MYH16: variants seen among roughly 807,000 people sequenced by gnomAD.
MYH16 encodes the protein putative uncharacterized protein MYH16.
intron 39 of MYH16, among the ~76,000 whole-genome samples, chr7:99,304,254 G>C (rs1449313738): frequency 1.3e-5 from 2 of 152,194 alleles, no homozygotes; most frequent in Non-Finnish European, 2.9e-5. Flanking sequence ...ACACAGTCCT[G>C]GGTCTTCCAA....
intron 19 of MYH16, among the ~76,000 whole-genome samples, 59 bp downstream of exon 1, chr7:99,273,136 C>G (rs1792068417): frequency 6.6e-6 from 1 of 152,222 alleles, no homozygotes; most frequent in South Asian, 2.1e-4. Context: ...TTCACCTCAG[C>G]TCCCTTATCG....
At chr7:99,298,644 C>A (rs1792539406) in intron 36 of MYH16, among the ~76,000 whole-genome samples, 1 of 152,136 alleles carries the variant, frequency 6.6e-6, no homozygotes, top group African/African-American at 2.4e-5. Flanking sequence ...TTCTTTGCCC[C>A]TTTCAAAAAT....
intron 38 of MYH16, among the ~76,000 whole-genome samples, chr7:99,302,639 G>C (rs1275569817): frequency 6.6e-6 from 1 of 152,060 alleles, no homozygotes; most frequent in Admixed American, 6.6e-5. Context: ...CCAGCACTAT[G>C]GGAGGCAGAG....
chr7:99,283,070 G>A (rs1169594069), intron 23 of MYH16, among the ~76,000 whole-genome samples: 2 of 152,148 alleles, frequency 1.3e-5, no homozygotes, highest in Admixed American at 6.6e-5. Flanking sequence ...CAATCACTGT[G>A]ACAACCAGAA....
chr7:99,306,425 G>A (rs1393049382), intron 41 of MYH16, among the ~76,000 whole-genome samples, 184 bp from the exon 23 acceptor site: 1 of 152,112 alleles, frequency 6.6e-6, no homozygotes, highest in Admixed American at 6.6e-5. Context: ...TACTTGGGAG[G>A]CTAAGGCAGG....
chr7:99,279,305 G>C (rs1274991330), intron 21 of MYH16, among the ~76,000 whole-genome samples: 1 of 147,850 alleles, frequency 6.8e-6, no homozygotes, highest in East Asian at 2.0e-4. Context: ...ACTGCAGTGA[G>C]CTGTGATCAC....
chr7:99,272,567 C>T (rs971430692), intron 19 of MYH16, among the ~76,000 whole-genome samples: 5 of 151,848 alleles, frequency 3.3e-5, no homozygotes, highest in Admixed American at 3.3e-4. Flanking sequence ...GATAGGGAGA[C>T]CCCATCTCTA....
chr7:99,292,728 G>C (rs899919706), intron 32 of MYH16, among the ~76,000 whole-genome samples: 1 of 152,228 alleles, frequency 6.6e-6, no homozygotes, highest in African/African-American at 2.4e-5. Flanking sequence ...GGGAGGCCAA[G>C]GTGGGAGGAT....
At position 99,296,934 on chromosome 7, in the gene MYH16, G is replaced by A; in HGVS notation, n.4499+17G>A. The A allele has an allele frequency of 2.2e-6, 1 of 456,202 alleles. No homozygotes were observed. The highest frequency in any genetic ancestry group is 4.4e-6 in the Non-Finnish European group (1 of 226,736). 28.3% of individuals were successfully genotyped at this position (456,202 alleles called of 1,614,324 possible). A position where few individuals can be genotyped will look rare whatever the true frequency, so the allele number is the denominator to read the frequency against. On this transcript the variant is annotated intron_variant and non_coding_transcript_variant, in intron 34 of 41. Transcript: ENST00000439784. ...CCCTGCAGGGTGAGTCTGAGGGCAG[G>A]TGGATGGGATGGGCCTGTAGGGAGG... is the stretch of plus-strand genomic sequence containing the variant.
chr7:99,289,444 A>G (rs529175241), intron 30 of MYH16, 40 bp downstream of exon 11: 3 of 321,220 alleles, frequency 9.3e-6, no homozygotes, highest in African/African-American at 4.4e-5. Context: ...GGAGCAGTGC[A>G]TGGAAAGGAA....
At chr7:99,279,783 C>T (rs1475044312) in intron 22 of MYH16, 46 bp downstream of exon 4, 4 of 443,558 alleles carry the variant, frequency 9.0e-6, no homozygotes, top group Non-Finnish European at 4.5e-6. Context: ...AGGCCACCTT[C>T]AGGGGCCATA....
intron 13 of MYH16, chr7:99,261,886 A>T (rs1562776785): frequency 6.6e-6 from 1 of 152,254 alleles, no homozygotes; most frequent in Non-Finnish European, 1.5e-5. Flanking sequence ...CAGGCCCATC[A>T]GACCTGTCTG....
At chr7:99,241,584 G>GA (rs1244449330) in intron 1 of MYH16, among the ~76,000 whole-genome samples, 6 of 152,060 alleles carry the variant, frequency 3.9e-5, no homozygotes, top group African/African-American at 1.2e-4. Flanking sequence ...CTCTGTCTCA[G>GA]AAAAAACAAC....
intron 30 of MYH16, among the ~76,000 whole-genome samples, chr7:99,290,160 T>G (rs540297718): frequency 6.6e-6 from 1 of 152,290 alleles, no homozygotes; most frequent in East Asian, 1.9e-4. Context: ...CAGGCAGCCT[T>G]TGGCCTTACT....
chr7:99,262,201 G>C (rs1235161277), intron 13 of MYH16, among the ~76,000 whole-genome samples: 1 of 152,180 alleles, frequency 6.6e-6, no homozygotes, highest in Non-Finnish European at 1.5e-5. Context: ...AATGCATTTT[G>C]TTTCCTTGGG....
intron 8 of MYH16, among the ~76,000 whole-genome samples, chr7:99,255,095 C>G (rs1246799304): frequency 6.6e-6 from 1 of 152,080 alleles, no homozygotes; most frequent in African/African-American, 2.4e-5. Flanking sequence ...ATGGCGAAAC[C>G]CCATCTCTAC....
chr7:99,251,102 G>A (rs1015174241), exon 6 of MYH16: 5 of 214,934 alleles, frequency 2.3e-5, no homozygotes, highest in African/African-American at 1.2e-4. Flanking sequence ...AGGGGTCTCT[G>A]GAGGATCAAG....
chr7:99,282,826 T>C (rs554430520), intron 23 of MYH16, among the ~76,000 whole-genome samples: 1 of 119,986 alleles, frequency 8.3e-6, no homozygotes, highest in Non-Finnish European at 1.5e-5. Flanking sequence ...GAAGATCCTA[T>C]CTCAAAAAAA....
downstream of MYH16, among the ~76,000 whole-genome samples, chr7:99,307,980 C>T (rs1310304339): frequency 6.6e-6 from 1 of 152,062 alleles, no homozygotes; most frequent in East Asian, 2.0e-4. Context: ...TCCCAAAGTG[C>T]TGGGATTACA....
Sources: allele counts gnomAD v4.1 joint callset (sites outside exome capture counted in the v4.1 genomes callset), GRCh38; gene constraint gnomAD v4.1.1; transcripts MANE v1.5; gene names NCBI Gene and HGNC (gene_info 2026-07-23, HGNC 2026-07-21).